The following ACYP2 variants were observed in gnomAD, a reference collection of about 807,000 sequenced individuals.
ACYP2 encodes the protein acylphosphatase-2.
In ACYP2, 12 loss-of-function variants were observed where a neutral mutation model predicts 11.2. That is an observed-to-expected ratio of 1.08 (90% CI 0.69 to 1.74). The LOEUF (loss-of-function observed/expected upper bound fraction) is 1.74. Among genes scored for constraint, ACYP2 ranks in the 40% most tolerant of loss-of-function variants. The pLI, the probability that ACYP2 is intolerant of heterozygous loss-of-function variation, is 0.00. For missense variants in ACYP2, 134 were observed against 101.9 expected, an observed-to-expected ratio of 1.31 and a Z score of -1.35; for synonymous variants, 43 against 32.2, an observed-to-expected ratio of 1.33 and a Z score of -1.13.
chr2:54,104,734 A>AC (rs2103707765), intron 4 of ACYP2, among the ~76,000 whole-genome samples: 1 of 152,366 alleles, frequency 6.6e-6, no homozygotes, highest in African/African-American at 2.4e-5. Context: ...AAACAGTAGA[A>AC]CTACCTGAGA....
intron 6 of ACYP2, among the ~76,000 whole-genome samples, chr2:54,216,508 G>A (rs1049096604): frequency 6.6e-6 from 1 of 150,716 alleles, no homozygotes; most frequent in Non-Finnish European, 1.5e-5. Flanking sequence ...CTCTATTGAT[G>A]AATCTTTTTT....
At chr2:54,276,566 C>G (rs1011334631) in intron 6 of ACYP2, among the ~76,000 whole-genome samples, 1 of 150,932 alleles carries the variant, frequency 6.6e-6, no homozygotes, top group Non-Finnish European at 1.5e-5. Context: ...ATGACTTTGA[C>G]TTTGATCATG....
chr2:54,024,803 G>C (rs973402617), intron 2 of ACYP2, among the ~76,000 whole-genome samples: 1 of 152,120 alleles, frequency 6.6e-6, no homozygotes, highest in African/African-American at 2.4e-5. Flanking sequence ...AACTGTCGCT[G>C]TTTCCTGACG....
intron 4 of ACYP2, among the ~76,000 whole-genome samples, chr2:54,095,415 G>T (rs1678476159): frequency 6.6e-6 from 1 of 152,244 alleles, no homozygotes; most frequent in Admixed American, 6.5e-5. Context: ...CTCCCAGACG[G>T]GGTGGTGGCC....
chr2:54,017,274 T>TTTC lies in ACYP2; in HGVS notation c.63-33682_63-33681insCTT, dbSNP rs781702260. On this transcript the variant is annotated intron_variant, in intron 2 of 6. Transcript: ENST00000607452. ...TTAAGTTTCTTTTCTTTTCTTTTCT[T>TTTC]TTTTTTTTTTTTTTGAGACAGAGTC... is the stretch of plus-strand genomic sequence containing the variant. Among the ~76,000 whole-genome samples the TTTC allele has an allele frequency of 1.1e-3, 85 of 76,540 alleles. 7 individuals carry two copies. Among genetic ancestry groups the TTTC allele is most frequent in the African/African-American group, 6.7e-3 (82 of 12,200 alleles). 50.2% of individuals were successfully genotyped at this position (76,540 alleles called of 152,430 possible).
At chr2:54,045,253 C>T (rs551271911) in intron 2 of ACYP2, among the ~76,000 whole-genome samples, 110 of 152,246 alleles carry the variant, frequency 7.2e-4, no homozygotes, top group Non-Finnish European at 1.0e-3. Flanking sequence ...TCGCCCTCCA[C>T]GATCCCCTTA....
chr2:54,134,089 T>C (rs895153957), intron 4 of ACYP2, among the ~76,000 whole-genome samples: 2 of 152,186 alleles, frequency 1.3e-5, no homozygotes, highest in Non-Finnish European at 2.9e-5. Context: ...ATCTACACTA[T>C]AGAGATTCTA....
At chr2:54,207,765 G>C (rs987105187) in intron 6 of ACYP2, among the ~76,000 whole-genome samples, 13 of 152,170 alleles carry the variant, frequency 8.5e-5, no homozygotes, top group South Asian at 6.2e-4. Context: ...CATGAACCAT[G>C]ATTCTTATCA....
Position 54,174,886 on chromosome 2 carries a change from A to G in ACYP2, c.404+36138A>G, listed in dbSNP as rs900878256. Reference sequence around the variant, plus strand: ...GCATCCCAGGGATGAAGCCTACTTGATCGTGGTGGATAAGATTTTTGATGT... The same window carrying G: ...GCATCCCAGGGATGAAGCCTACTTGGTCGTGGTGGATAAGATTTTTGATGT... On this transcript the variant is annotated intron_variant, in intron 6 of 6. Transcript: ENST00000607452. Among the ~76,000 whole-genome samples the G allele has an allele frequency of 2.6e-5, 4 of 152,232 alleles. 1 individual carries two copies. In the South Asian group the frequency reaches 8.3e-4, roughly 32 times the overall value.
chr2:54,290,313 C>T (rs1321536844), intron 6 of ACYP2, among the ~76,000 whole-genome samples: 3 of 151,946 alleles, frequency 2.0e-5, no homozygotes, highest in Non-Finnish European at 4.4e-5. Flanking sequence ...CGTTGCATGC[C>T]TTATTTTAAT....
chr2:54,260,692 G>T (rs1001472551), intron 6 of ACYP2, among the ~76,000 whole-genome samples: 1 of 152,128 alleles, frequency 6.6e-6, no homozygotes, highest in Non-Finnish European at 1.5e-5. Flanking sequence ...AGAATGACCT[G>T]CAAGGGATTA....
chr2:54,195,592 C>T (rs34668689), intron 6 of ACYP2, among the ~76,000 whole-genome samples: 9 of 147,624 alleles, frequency 6.1e-5, no homozygotes, highest in African/African-American at 2.3e-4. Context: ...GCAGCCCCAG[C>T]TATCACATCC....
intron 4 of ACYP2, among the ~76,000 whole-genome samples, chr2:54,066,783 G>C (rs10208690): frequency 0.16 from 24,017 of 152,192 alleles, 2,108 homozygotes; most frequent in African/African-American, 0.24. Flanking sequence ...GCTAAAAGAA[G>C]CCATCAGGAT....
At chr2:54,120,368 A>G (rs993012006) in intron 4 of ACYP2, among the ~76,000 whole-genome samples, 10 of 152,218 alleles carry the variant, frequency 6.6e-5, no homozygotes, top group African/African-American at 2.2e-4. Context: ...TTATATTTAC[A>G]TCTAGAATAA....
chr2:54,256,166 G>C, intron 6 of ACYP2: 1 of 1,601,292 alleles, frequency 6.2e-7, no homozygotes, highest in South Asian at 1.1e-5. Flanking sequence ...GTAGCGGCCA[G>C]GGCAGCAGTG....
At chr2:54,065,490 A>G in intron 4 of ACYP2, 1 of 398,618 alleles carries the variant, frequency 2.5e-6, no homozygotes, top group Admixed American at 4.4e-5. Flanking sequence ...CCATGTTTCA[A>G]TGCTTGGCTA....
chr2:54,010,440 T>G (rs1673295510), intron 2 of ACYP2, among the ~76,000 whole-genome samples: 1 of 151,568 alleles, frequency 6.6e-6, no homozygotes, highest in Non-Finnish European at 1.5e-5. Context: ...GCTGAGTTTG[T>G]GCCATTGCAC....
intron 6 of ACYP2, among the ~76,000 whole-genome samples, chr2:54,169,093 G>A (rs553693158): frequency 2.0e-5 from 3 of 152,204 alleles, no homozygotes; most frequent in Non-Finnish European, 4.4e-5. Flanking sequence ...TCTTTCTAAA[G>A]TATGTTAGAC....
intron 4 of ACYP2, among the ~76,000 whole-genome samples, chr2:54,058,077 G>A (rs1201404832): frequency 6.6e-6 from 1 of 152,142 alleles, no homozygotes; most frequent in Non-Finnish European, 1.5e-5. Flanking sequence ...CCCTGAGGGA[G>A]GTAGGGCATA....
Sources: allele counts gnomAD v4.1 joint callset (sites outside exome capture counted in the v4.1 genomes callset), GRCh38; gene constraint gnomAD v4.1.1; transcripts MANE v1.5; gene names NCBI Gene and HGNC (gene_info 2026-07-23, HGNC 2026-07-21).